The following MAST2 variants were observed in gnomAD, a reference collection of about 807,000 sequenced individuals.
MAST2 encodes microtubule-associated serine/threonine-protein kinase 2.
Under a neutral mutation model 147.4 loss-of-function variants are expected in MAST2, and 70 were observed. The ratio of observed to expected loss-of-function variants is 0.47; its 90% CI spans 0.39 to 0.58. MAST2 has a LOEUF of 0.58. Ranked by LOEUF, MAST2 falls within the 20% of genes least tolerant of loss-of-function variation. MAST2 has a pLI of 0.00. For synonymous variants in MAST2, 869 were observed against 896.8 expected (o/e 0.97, Z 0.55); for missense variants, 2,080 against 2,302.3 (o/e 0.90, Z 1.98).
chr1:45,917,848 G>A (rs1243849193), intron 4 of MAST2, among the ~76,000 whole-genome samples: 1 of 152,132 alleles, frequency 6.6e-6, no homozygotes, highest in Non-Finnish European at 1.5e-5. Flanking sequence ...AGGTAAAAAA[G>A]TTCAAACCTC....
chr1:45,927,498 A>T (rs1654574522), intron 4 of MAST2, among the ~76,000 whole-genome samples: 1 of 152,190 alleles, frequency 6.6e-6, no homozygotes, highest in Admixed American at 6.5e-5. Context: ...TTCCATGCTG[A>T]GAATAAGAAT....
chr1:45,869,717 C>T (rs986455295), intron 3 of MAST2, among the ~76,000 whole-genome samples: 8 of 152,116 alleles, frequency 5.3e-5, no homozygotes, highest in African/African-American at 1.9e-4. Context: ...ATGTTTCTTA[C>T]TGTTACAAAA....
intron 3 of MAST2, among the ~76,000 whole-genome samples, chr1:45,844,427 C>T (rs1645368431): frequency 1.3e-5 from 2 of 152,122 alleles, no homozygotes; most frequent in East Asian, 1.9e-4. Context: ...GGATTACAGG[C>T]GCCTGCCACC....
intron 4 of MAST2, among the ~76,000 whole-genome samples, chr1:45,943,378 G>C (rs759612714): frequency 6.6e-6 from 1 of 152,190 alleles, no homozygotes; most frequent in South Asian, 2.1e-4. Context: ...ATCCAGACTA[G>C]AGTGACTCCA....
intron 4 of MAST2, among the ~76,000 whole-genome samples, chr1:45,951,146 G>C (rs958519156): frequency 6.6e-6 from 1 of 152,034 alleles, no homozygotes. Flanking sequence ...GCTTGTGTCA[G>C]GGAGGTCAAG....
At chr1:45,869,804 G>T (rs1275274091) in intron 3 of MAST2, among the ~76,000 whole-genome samples, 2 of 152,170 alleles carry the variant, frequency 1.3e-5, no homozygotes, top group East Asian at 3.8e-4. Flanking sequence ...GCTTATTAAA[G>T]CATTTGAGTT....
Position 45,824,578 on chromosome 1 carries a change from C to T in MAST2, c.323C>T (p.Ser108Leu), listed in dbSNP as rs1157252832. 14 of 1,584,982 alleles carry T rather than the reference C, an allele frequency of 8.8e-6. 1 individual carries two copies. Among genetic ancestry groups the T allele is most frequent in the South Asian group, 3.4e-5 (3 of 87,098 alleles). Residue 108 changes from serine to leucine, a missense_variant and splice_region_variant, in exon 2 of 29, where the codon TCG (serine) becomes TTG (leucine). Around this residue, in one of 4 missense-constraint regions of MAST2, gnomAD observed 569 missense variants for 642.5 expected, o/e 0.89. Transcript: ENST00000361297. ...LWRGNLASSL[S>L]GKQLLPLSSS... ...AGAGGAAACCTGGCCAGCTCTCTAT[C>T]GGGTAAATATCTGATTTTGTTGTTT...
intron 4 of MAST2, among the ~76,000 whole-genome samples, chr1:45,920,904 CTG>C (rs1013934510): frequency 6.6e-6 from 1 of 152,100 alleles, no homozygotes; most frequent in African/African-American, 2.4e-5. Flanking sequence ...GATGAAGACA[CTG>C]TAGTACAGAG....
intron 4 of MAST2, among the ~76,000 whole-genome samples, chr1:45,889,928 A>T (rs1354016727): frequency 6.6e-6 from 1 of 151,958 alleles, no homozygotes; most frequent in Non-Finnish European, 1.5e-5. Context: ...TAATTTTTAT[A>T]TTTTTAGGGT....
intron 10 of MAST2, among the ~76,000 whole-genome samples, chr1:46,016,903 C>T (rs998848090): frequency 6.6e-5 from 10 of 152,044 alleles, no homozygotes; most frequent in Non-Finnish European, 1.2e-4. Flanking sequence ...CTGGAGGCAT[C>T]ATGCTACCTG....
At chr1:45,977,913 T>G (rs1015969360) in intron 5 of MAST2, among the ~76,000 whole-genome samples, 14 of 151,080 alleles carry the variant, frequency 9.3e-5, no homozygotes, top group African/African-American at 3.4e-4. Flanking sequence ...AGGACTTGGG[T>G]TCAGAATATA....
At chr1:45,893,529 C>A (rs1168739910) in intron 4 of MAST2, among the ~76,000 whole-genome samples, 1 of 151,534 alleles carries the variant, frequency 6.6e-6, no homozygotes, top group East Asian at 1.9e-4. Context: ...ATGTGAGCCA[C>A]CGCACCTGGC....
chr1:46,027,343 T>A (rs973356444), intron 16 of MAST2, among the ~76,000 whole-genome samples: 2 of 151,562 alleles, frequency 1.3e-5, no homozygotes, highest in African/African-American at 4.9e-5. Flanking sequence ...GAAACAGGAG[T>A]ATTATGGGCC....
At chr1:45,839,160 G>C (rs925766001) in intron 3 of MAST2, among the ~76,000 whole-genome samples, 11 of 122,464 alleles carry the variant, frequency 9.0e-5, no homozygotes, top group Non-Finnish European at 1.8e-4. Context: ...ACGGAGTCTC[G>C]CTCTGTTTGC....
Position 45,918,904 on chromosome 1 carries a change from AG to A in MAST2, c.500+36510del, listed in dbSNP as rs146327432. 3.4e-3 allele frequency among the ~76,000 whole-genome samples: 513 copies of A among 152,206 alleles called. 3 individuals are homozygous for A. The highest frequency in any genetic ancestry group is 0.012 in the African/African-American group (492 of 41,508). On this transcript the variant is annotated intron_variant, in intron 4 of 28. Coordinates refer to ENST00000361297, the MANE Select transcript of MAST2 (RefSeq NM_015112.3). The stretch of plus-strand genomic sequence containing the variant: ...GAGGTGAGCGGATTGCTTGAGTTCA[AG>A]ACCACTCACAAGTTCGAGACCAGCC...
intron 10 of MAST2, among the ~76,000 whole-genome samples, chr1:46,014,421 C>T (rs929806705): frequency 5.5e-5 from 8 of 145,908 alleles, no homozygotes; most frequent in African/African-American, 1.8e-4. Flanking sequence ...TGAGAATATG[C>T]GGTGTTTGGT....
At chr1:45,810,569 T>C (rs1644259146) in intron 1 of MAST2, among the ~76,000 whole-genome samples, 1 of 152,006 alleles carries the variant, frequency 6.6e-6, no homozygotes, top group African/African-American at 2.4e-5. Context: ...CCCAGCACTT[T>C]GGGAGACCAA....
intron 16 of MAST2, 135 bp downstream of exon 16, chr1:46,025,950 C>A (rs746579703): frequency 2.6e-6 from 3 of 1,151,044 alleles, no homozygotes; most frequent in Non-Finnish European, 3.8e-6. Flanking sequence ...TCCATCTGGG[C>A]CTAGTTCTCT....
At chr1:45,970,237 G>C (rs1421891693) in intron 5 of MAST2, among the ~76,000 whole-genome samples, 1 of 152,052 alleles carries the variant, frequency 6.6e-6, no homozygotes, top group Non-Finnish European at 1.5e-5. Context: ...AAAAATTTGG[G>C]AGCCCCCCCA....
Sources: allele counts gnomAD v4.1 joint callset (sites outside exome capture counted in the v4.1 genomes callset), GRCh38; gene constraint gnomAD v4.1.1; regional missense constraint gnomAD v4.1.1; transcripts MANE v1.5; gene names NCBI Gene and HGNC (gene_info 2026-07-23, HGNC 2026-07-21).